The following GLRX3 variants were observed in gnomAD, a reference collection of about 807,000 sequenced individuals.
GLRX3 encodes glutaredoxin-3.
In GLRX3, 22 loss-of-function variants were observed where a neutral mutation model predicts 49.5. The observed-to-expected ratio is 0.44, with a 90% confidence interval of 0.32 to 0.63. The LOEUF (loss-of-function observed/expected upper bound fraction) is 0.63. GLRX3 is among the 30% of genes least tolerant of loss of function. GLRX3 has a pLI of 0.05. For missense variants in GLRX3, 385 were observed against 396.3 expected, an observed-to-expected ratio of 0.97 and a Z score of 0.24; for synonymous variants, 133 against 140.0, an observed-to-expected ratio of 0.95 and a Z score of 0.35.
At chr10:130,138,002 T>C (rs1368972676) in intron 1 of GLRX3, among the ~76,000 whole-genome samples, 1 of 151,926 alleles carries the variant, frequency 6.6e-6, no homozygotes, top group African/African-American at 2.4e-5. Flanking sequence ...TCCCAAAGGG[T>C]TGGGATTACA....
downstream of GLRX3, chr10:130,179,771 G>C: frequency 4.8e-6 from 1 of 209,442 alleles, no homozygotes; most frequent in Non-Finnish European, 9.4e-6. Flanking sequence ...GTACACAACA[G>C]TATTTAGGAC....
chr10:130,156,565 G>A (rs954153961), intron 2 of GLRX3, among the ~76,000 whole-genome samples: 5 of 152,202 alleles, frequency 3.3e-5, no homozygotes, highest in African/African-American at 1.2e-4. Context: ...TGAGGATTAA[G>A]TGAGTCTATA....
At chr10:130,151,971 T>C (rs1302432238) in intron 2 of GLRX3, among the ~76,000 whole-genome samples, 1 of 152,204 alleles carries the variant, frequency 6.6e-6, no homozygotes, top group Non-Finnish European at 1.5e-5. Context: ...TTTTAGTCTT[T>C]TAATTGGGGC....
intron 1 of GLRX3, among the ~76,000 whole-genome samples, chr10:130,142,218 C>T (rs1375689951): frequency 6.6e-6 from 1 of 152,144 alleles, no homozygotes; most frequent in Non-Finnish European, 1.5e-5. Context: ...ATCAGTCCTA[C>T]CAGTGGTCTT....
intron 2 of GLRX3, among the ~76,000 whole-genome samples, chr10:130,154,241 T>A (rs1263627373): frequency 6.6e-6 from 1 of 152,180 alleles, no homozygotes. Flanking sequence ...CAATCACTCA[T>A]GGCTTCCCTT....
At chr10:130,144,093 C>G (rs1862224593) in intron 1 of GLRX3, among the ~76,000 whole-genome samples, 1 of 152,146 alleles carries the variant, frequency 6.6e-6, no homozygotes, top group Non-Finnish European at 1.5e-5. Flanking sequence ...ACTGGCATGC[C>G]TTCATTTTCA....
intron 1 of GLRX3, among the ~76,000 whole-genome samples, chr10:130,142,649 C>G (rs1862197008): frequency 6.6e-6 from 1 of 152,204 alleles, no homozygotes; most frequent in Non-Finnish European, 1.5e-5. Context: ...CACTTCAGTC[C>G]TCAGTGGACT....
chr10:130,147,340 A>G (rs1290456878), intron 2 of GLRX3, among the ~76,000 whole-genome samples: 1 of 152,258 alleles, frequency 6.6e-6, no homozygotes, highest in Non-Finnish European at 1.5e-5. Flanking sequence ...TGGTTTAGGT[A>G]ACACATTGTT....
At chr10:130,142,853 AC>A (rs755754163) in intron 1 of GLRX3, among the ~76,000 whole-genome samples, 2 of 152,008 alleles carry the variant, frequency 1.3e-5, no homozygotes, top group Non-Finnish European at 2.9e-5. Flanking sequence ...CTGCTTTACT[AC>A]ATAAGTTCCT....
At chr10:130,159,458 C>T (rs1035551421) in intron 2 of GLRX3, among the ~76,000 whole-genome samples, 1 of 152,190 alleles carries the variant, frequency 6.6e-6, no homozygotes, top group African/African-American at 2.4e-5. Flanking sequence ...TGCCTAGTGT[C>T]CAGCAGCCTT....
chr10:130,141,381 A>G (rs1414277509), intron 1 of GLRX3, among the ~76,000 whole-genome samples: 2 of 152,244 alleles, frequency 1.3e-5, no homozygotes, highest in African/African-American at 4.8e-5. Context: ...TATTACATAC[A>G]GTAACAATGC....
At position 130,161,014 on chromosome 10, in the gene GLRX3, A is replaced by T; in HGVS notation, c.478+17A>T. 1 of 1,582,164 alleles carries T rather than the reference A, an allele frequency of 6.3e-7. No individual in the cohort carries two copies. Among genetic ancestry groups the T allele is most frequent in the Non-Finnish European group, 8.7e-7 (1 of 1,153,198 alleles). ...CACGCTGTGGTAAGAAGCTGCCTTT[A>T]ACATAATATAAACAAAATGGGTGCT... On this transcript the variant is annotated intron_variant, in intron 4 of 10. Transcript: ENST00000331244.
chr10:130,173,844 C>G (rs138836100), intron 8 of GLRX3, among the ~76,000 whole-genome samples: 1 of 152,190 alleles, frequency 6.6e-6, no homozygotes, highest in East Asian at 1.9e-4. Flanking sequence ...GTTTTTTTGA[C>G]TGTTCCCTGT....
Position 130,156,415 on chromosome 10 carries a change from A to C in GLRX3, c.202-3580A>C, listed in dbSNP as rs574065303. On this transcript the variant is annotated intron_variant, in intron 2 of 10. Transcript: ENST00000331244. ...TTTGATGTTAATTTCCAGCATATGAATTTAGGAGGGACATATACATTCAAA... is the reference window on the plus strand; with the variant it reads ...TTTGATGTTAATTTCCAGCATATGACTTTAGGAGGGACATATACATTCAAA... 5.3e-4 allele frequency among the ~76,000 whole-genome samples: 81 copies of C among 152,186 alleles called. 1 individual carries two copies. Among genetic ancestry groups the C allele is most frequent in the Non-Finnish European group, 1.1e-3 (75 of 68,030 alleles).
At chr10:130,173,819 T>G (rs1182571825) in intron 8 of GLRX3, among the ~76,000 whole-genome samples, 1 of 152,224 alleles carries the variant, frequency 6.6e-6, no homozygotes, top group African/African-American at 2.4e-5. Flanking sequence ...TGCTTCTGAT[T>G]TATCCCGTCA....
intron 6 of GLRX3, among the ~76,000 whole-genome samples, chr10:130,168,277 G>A (rs933156658): frequency 6.6e-6 from 1 of 152,180 alleles, no homozygotes; most frequent in Non-Finnish European, 1.5e-5. Context: ...GTGGTTCCCT[G>A]TATCCAGGTG....
chr10:130,144,656 G>A (rs1274396354), intron 1 of GLRX3, among the ~76,000 whole-genome samples: 1 of 152,128 alleles, frequency 6.6e-6, no homozygotes, highest in East Asian at 1.9e-4. Context: ...TTTTATGACT[G>A]CATAGTATTC....
rs1343678479 is a variant in GLRX3, at chr10:130,173,110, T to G, written c.824+1474T>G. Reference sequence around the variant, plus strand: ...GTCATTTTTGATTTTCCCCTTTCTTTGTCGACCCTCTGCTGCGGGTCCACA... The same window carrying G: ...GTCATTTTTGATTTTCCCCTTTCTTGGTCGACCCTCTGCTGCGGGTCCACA... On this transcript the variant is annotated intron_variant, in intron 8 of 10. Transcript: ENST00000331244. Among the ~76,000 whole-genome samples, 4 of 152,208 alleles carry G rather than the reference T, an allele frequency of 2.6e-5. No homozygotes were observed. In the East Asian group the frequency reaches 5.8e-4, roughly 22 times the overall value.
At chr10:130,141,691 A>G (rs996034862) in intron 1 of GLRX3, among the ~76,000 whole-genome samples, 3 of 152,214 alleles carry the variant, frequency 2.0e-5, no homozygotes, top group Non-Finnish European at 2.9e-5. Flanking sequence ...ATGAATGTCT[A>G]TCACTTTCTC....
Sources: gnomAD v4.1 joint callset for allele counts (sites outside exome capture counted in the v4.1 genomes callset) on GRCh38, gnomAD v4.1.1 for gene constraint, MANE v1.5 for transcripts, NCBI Gene and HGNC (gene_info 2026-07-23, HGNC 2026-07-21) for gene names.